TNFRSF10B: variants seen among roughly 807,000 people sequenced by gnomAD.
TNFRSF10B encodes the protein tumor necrosis factor receptor superfamily member 10B.
In TNFRSF10B, 35 loss-of-function variants were observed where a neutral mutation model predicts 41.4. That is an observed-to-expected ratio of 0.85 (90% CI 0.65 to 1.12). The LOEUF is 1.12. Among genes scored for constraint, TNFRSF10B ranks in the 50% most tolerant of loss-of-function variants. TNFRSF10B has a pLI of 0.00. For missense variants in TNFRSF10B, 584 were observed against 552.7 expected (o/e 1.06, Z -0.57); for synonymous variants, 230 against 215.5 (o/e 1.07, Z -0.59).
At chr8:23,048,510 G>A (rs1435881473) in intron 1 of TNFRSF10B, among the ~76,000 whole-genome samples, 1 of 151,932 alleles carries the variant, frequency 6.6e-6, no homozygotes, top group Admixed American at 6.6e-5. Context: ...TCTGGGCACG[G>A]GGGAATGGGG....
intron 4 of TNFRSF10B, 76 bp downstream of exon 4, chr8:23,029,534 A>C (rs1053225367): frequency 1.6e-5 from 23 of 1,419,836 alleles, no homozygotes; most frequent in Non-Finnish European, 2.1e-5. Context: ...CTGTCAGGGG[A>C]GAGACAGGGG....
At chr8:23,031,409 A>AT (rs1398456882) in intron 2 of TNFRSF10B, among the ~76,000 whole-genome samples, 1 of 146,048 alleles carries the variant, frequency 6.8e-6, no homozygotes, top group Non-Finnish European at 1.5e-5. Flanking sequence ...TTATTTATTT[A>AT]TTTAGACAGG....
At chr8:23,067,402 A>G (rs1002240701) in intron 1 of TNFRSF10B, among the ~76,000 whole-genome samples, 1 of 152,118 alleles carries the variant, frequency 6.6e-6, no homozygotes, top group African/African-American at 2.4e-5. Flanking sequence ...TAGAAAGAAC[A>G]TGAAAGTCTA....
Position 23,024,225 on chromosome 8 carries a change from C to G in TNFRSF10B, c.972G>C (p.Arg324Ser). 1 of 1,613,464 alleles carries G rather than the reference C, an allele frequency of 6.2e-7. No homozygotes were observed. Reference sequence around the variant, plus strand: ...CACCTTCATTTGCTGGAACCAGCAGCCTCCTCCTCTGAGACCTTTCAGCTT... The same window carrying G: ...CACCTTCATTTGCTGGAACCAGCAGGCTCCTCCTCTGAGACCTTTCAGCTT... ...PAEAERSQRRRLLVPANEGDP... is the reference protein window; with the variant it reads ...PAEAERSQRRSLLVPANEGDP... The change falls in exon 8 of 9, where the codon AGG becomes AGC. Residue 324 changes from arginine to serine, a missense_variant. Physicochemically the swap from Arg to Ser is moderately radical, Grantham distance 110. Transcript: ENST00000276431.
chr8:23,051,698 C>G (rs570956624), intron 1 of TNFRSF10B, among the ~76,000 whole-genome samples: 27 of 152,202 alleles, frequency 1.8e-4, no homozygotes, highest in African/African-American at 5.5e-4. Flanking sequence ...TCGCCCGCCA[C>G]CGCGCCTGGT....
Position 23,021,884 on chromosome 8 carries a change from C to G in TNFRSF10B, c.*787G>C, listed in dbSNP as rs768638959. The G allele has an allele frequency of 4.4e-5, 20 of 453,974 alleles. No homozygotes were observed. Among genetic ancestry groups the G allele is most frequent in the African/African-American group, 8.0e-5 (4 of 49,996 alleles). 28.1% of individuals were successfully genotyped at this position (453,974 alleles called of 1,614,324 possible). On this transcript the variant is annotated 3_prime_UTR_variant, in exon 9 of 9. Transcript: ENST00000276431. ...TCTCCTCCTTTTATGTTTATCTAATCTATTCACATAACTATGTAAACAAGT... is the reference window on the plus strand; with the variant it reads ...TCTCCTCCTTTTATGTTTATCTAATGTATTCACATAACTATGTAAACAAGT...
chr8:23,069,002 C>T lies in TNFRSF10B; in HGVS notation c.-108G>A, dbSNP rs528540783. 864 of 1,559,360 alleles carry T rather than the reference C, an allele frequency of 5.5e-4. No individual in the cohort carries two copies. The highest frequency in any genetic ancestry group is 7.0e-4 in the Non-Finnish European group (797 of 1,143,754). Reference sequence around the variant, plus strand: ...TGGGCGCAGAGATTGCGGGGTTCTCCGGCCGCGTGCTGATTTATGTGTCCA... The same window carrying T: ...TGGGCGCAGAGATTGCGGGGTTCTCTGGCCGCGTGCTGATTTATGTGTCCA... On this transcript the variant is annotated 5_prime_UTR_variant, in exon 1 of 9. Coordinates refer to ENST00000276431, the MANE Select transcript of TNFRSF10B (RefSeq NM_003842.5).
At chr8:23,027,969 G>GT (rs1371994039) in intron 5 of TNFRSF10B, 6 of 629,986 alleles carry the variant, frequency 9.5e-6, no homozygotes, top group Non-Finnish European at 1.7e-5. Flanking sequence ...GAAAATCTCT[G>GT]GTTCTGCTCT....
At chr8:23,041,612 A>G (rs2128815347) in intron 2 of TNFRSF10B, among the ~76,000 whole-genome samples, 1 of 152,024 alleles carries the variant, frequency 6.6e-6, no homozygotes, top group East Asian at 1.9e-4. Flanking sequence ...TTAAAAAAAA[A>G]AAAAAAAAAA....
In TNFRSF10B at chr8:23,040,466, C is replaced by CAAAATATATATTTATTAAAAATATATAT. The variant is rs748466642; in HGVS notation, c.250+2671_250+2672insATATATATTTTTAATAAATATATATTTT. On this transcript the variant is annotated intron_variant, in intron 2 of 8. Transcript: ENST00000276431. Reference sequence around the variant, plus strand: ...AATATATATTTATTAAATATATATACACAAAATATATATTTAAGAAAAACA... The same window carrying CAAAATATATATTTATTAAAAATATATAT: ...AATATATATTTATTAAATATATATACAAAATATATATTTATTAAAAATATATATACAAAATATATATTTAAGAAAAACA... 3.0e-5 allele frequency among the ~76,000 whole-genome samples: 2 copies of CAAAATATATATTTATTAAAAATATATAT among 65,824 alleles called. 1 individual carries two copies. The highest frequency in any genetic ancestry group is 7.0e-5 in the Non-Finnish European group (2 of 28,400). The allele number at this position is 65,824 out of a possible 152,430, so 43.2% of individuals were successfully genotyped here.
chr8:23,041,603 TAAAAAAA>T (rs199893473), intron 2 of TNFRSF10B, among the ~76,000 whole-genome samples: 1 of 121,238 alleles, frequency 8.2e-6, no homozygotes, highest in African/African-American at 3.1e-5. Flanking sequence ...CTCAATGATT[TAAAAAAA>T]AAAAAAAAAA....
Position 23,021,644 on chromosome 8 carries a change from C to T in TNFRSF10B, c.*1027G>A. The T allele has an allele frequency of 2.2e-6, 1 of 454,146 alleles. No individual in the cohort carries two copies. The highest frequency in any genetic ancestry group is 1.6e-5 in the South Asian group (1 of 64,478). 28.1% of individuals were successfully genotyped at this position (454,146 alleles called of 1,614,324 possible). On this transcript the variant is annotated 3_prime_UTR_variant, in exon 9 of 9. Coordinates refer to ENST00000276431, the MANE Select transcript of TNFRSF10B (RefSeq NM_003842.5). Reference sequence around the variant, plus strand: ...ACTGCCCAGGTAGGGACCAGCCACACACAGGACTTCACGTGGATCCAGTTC... The same window carrying T: ...ACTGCCCAGGTAGGGACCAGCCACATACAGGACTTCACGTGGATCCAGTTC...
intron 3 of TNFRSF10B, among the ~76,000 whole-genome samples, chr8:23,030,086 G>A (rs1206932687): frequency 6.6e-6 from 1 of 152,182 alleles, no homozygotes; most frequent in Non-Finnish European, 1.5e-5. Flanking sequence ...CCAGCCTGCT[G>A]GGGAGGAGGG....
At chr8:23,025,030 C>T (rs560386898) in intron 7 of TNFRSF10B, among the ~76,000 whole-genome samples, 2 of 152,240 alleles carry the variant, frequency 1.3e-5, no homozygotes, top group African/African-American at 2.4e-5. Context: ...ACAAAACTGT[C>T]GTCCGAGCTA....
chr8:23,029,978 C>T (rs1186868106), intron 3 of TNFRSF10B, among the ~76,000 whole-genome samples: 1 of 152,182 alleles, frequency 6.6e-6, no homozygotes, highest in Admixed American at 6.5e-5. Flanking sequence ...GTTTAGGGGA[C>T]AAGCATCGTT....
intron 2 of TNFRSF10B, among the ~76,000 whole-genome samples, chr8:23,041,272 G>C (rs1279676355): frequency 6.6e-6 from 1 of 152,098 alleles, no homozygotes; most frequent in Non-Finnish European, 1.5e-5. Context: ...GGTCAGGCTG[G>C]TGTCAAACTC....
intron 5 of TNFRSF10B, 128 bp downstream of exon 5, chr8:23,028,203 G>A: frequency 6.9e-6 from 9 of 1,304,176 alleles, no homozygotes; most frequent in Non-Finnish European, 9.8e-6. Flanking sequence ...TGACCACGAG[G>A]AGGAGGATAG....
At chr8:23,030,919 C>A in intron 2 of TNFRSF10B, 47 bp from the exon 3 acceptor site, 1 of 1,379,148 alleles carries the variant, frequency 7.3e-7, no homozygotes, top group East Asian at 2.4e-5. Context: ...ACAGGATTCC[C>A]AGAAGCTGGC....
At chr8:23,055,145 C>T (rs1176909860) in intron 1 of TNFRSF10B, among the ~76,000 whole-genome samples, 3 of 152,008 alleles carry the variant, frequency 2.0e-5, no homozygotes, top group South Asian at 2.1e-4. Flanking sequence ...TCCTTTTTCT[C>T]CATTTTCCCT....
Sources: allele counts gnomAD v4.1 joint callset (sites outside exome capture counted in the v4.1 genomes callset), GRCh38; gene constraint gnomAD v4.1.1; transcripts MANE v1.5; gene names NCBI Gene and HGNC (gene_info 2026-07-23, HGNC 2026-07-21).